VWC2L: variants seen among roughly 807,000 people sequenced by gnomAD.
VWC2L encodes the protein von Willebrand factor C domain-containing protein 2-like.
A neutral mutation model predicts 21.6 loss-of-function variants in VWC2L; 10 were observed. That is an observed-to-expected ratio of 0.46 (90% CI 0.29 to 0.78). VWC2L has a LOEUF of 0.78. Ranked by LOEUF, VWC2L falls within the 30% of genes least tolerant of loss-of-function variation. The pLI is 0.10. For synonymous variants in VWC2L, 96 were observed against 94.3 expected (o/e 1.02, Z -0.10); for missense variants, 209 against 277.1 (o/e 0.75, Z 1.74).
intron 1 of VWC2L, among the ~76,000 whole-genome samples, chr2:214,413,414 G>A (rs1386407811): frequency 2.0e-5 from 3 of 151,796 alleles, no homozygotes; most frequent in African/African-American, 7.3e-5. Context: ...ACTCTTTTAA[G>A]CACATGGAAT....
chr2:214,461,492 G>A (rs1703140013), intron 3 of VWC2L, among the ~76,000 whole-genome samples: 1 of 152,148 alleles, frequency 6.6e-6, no homozygotes. Context: ...GCTAACCATG[G>A]TGTTCAGGTC....
chr2:214,468,230 T>G (rs943788135), intron 3 of VWC2L, among the ~76,000 whole-genome samples: 1 of 152,184 alleles, frequency 6.6e-6, no homozygotes, highest in African/African-American at 2.4e-5. Flanking sequence ...TTGGCCAAGC[T>G]GGTCTCGAAC....
At chr2:214,559,661 G>C (rs2105928741) in intron 3 of VWC2L, among the ~76,000 whole-genome samples, 1 of 151,230 alleles carries the variant, frequency 6.6e-6, no homozygotes, top group South Asian at 2.1e-4. Flanking sequence ...CCAGGCTGCA[G>C]TGCAGTGGTG....
At chr2:214,424,143 T>C (rs1702483053) in intron 2 of VWC2L, among the ~76,000 whole-genome samples, 1 of 152,194 alleles carries the variant, frequency 6.6e-6, no homozygotes, top group African/African-American at 2.4e-5. Flanking sequence ...TATGTTATTC[T>C]AAAGTTTCTC....
chr2:214,503,660 G>C (rs1559310734), intron 3 of VWC2L, among the ~76,000 whole-genome samples: 1 of 151,252 alleles, frequency 6.6e-6, no homozygotes, highest in Non-Finnish European at 1.5e-5. Context: ...CTGCATTTTT[G>C]CTGAGCAATT....
chr2:214,496,436 T>C, intron 3 of VWC2L, among the ~76,000 whole-genome samples: 1 of 152,176 alleles, frequency 6.6e-6, no homozygotes, highest in East Asian at 1.9e-4. Flanking sequence ...CTGCAGTCTG[T>C]TATTTTTCAA....
rs374198191 is a variant in VWC2L at position 214,501,914 on chromosome 2, G to A, written c.520+65156G>A. On this transcript the variant is annotated intron_variant, in intron 3 of 3. Coordinates refer to ENST00000312504, the MANE Select transcript of VWC2L (RefSeq NM_001080500.4). ...TGAGATTACAGAGAAAGAGAAGTGG[G>A]GAGTTGCAGCTAAGCCCACCTCCCC... 6.8e-4 allele frequency among the ~76,000 whole-genome samples: 103 copies of A among 152,216 alleles called. 2 individuals are homozygous for A. In the East Asian group the frequency reaches 0.015, roughly 21 times the overall value.
intron 2 of VWC2L, among the ~76,000 whole-genome samples, chr2:214,422,996 T>C (rs765671358): frequency 3.9e-5 from 6 of 152,076 alleles, no homozygotes; most frequent in Non-Finnish European, 8.8e-5. Flanking sequence ...ATATATCTTA[T>C]GAAGAATAAA....
chr2:214,492,367 A>G (rs1335451345), intron 3 of VWC2L, among the ~76,000 whole-genome samples: 2 of 152,226 alleles, frequency 1.3e-5, no homozygotes, highest in African/African-American at 4.8e-5. Flanking sequence ...AACCATGACC[A>G]CAAAAGGCGG....
intron 3 of VWC2L, among the ~76,000 whole-genome samples, chr2:214,568,656 CACAGG>C (rs1035137967): frequency 1.3e-5 from 2 of 152,170 alleles, no homozygotes; most frequent in African/African-American, 4.8e-5. Flanking sequence ...ACAAGAACAG[CACAGG>C]AAAGACCCAT....
In VWC2L at chr2:214,432,328, A is replaced by G. The variant is rs566135320; in HGVS notation, c.391-4301A>G. ...GGACAGGAGCAAATTTACCAAAAAA[A>G]TGTAAAGAAATCAGTAAGATAGTTT... is the stretch of plus-strand genomic sequence containing the variant. On this transcript the variant is annotated intron_variant, in intron 2 of 3. Coordinates refer to ENST00000312504, the MANE Select transcript of VWC2L (RefSeq NM_001080500.4). Among the ~76,000 whole-genome samples the G allele has an allele frequency of 3.3e-5, 5 of 152,302 alleles. 1 individual carries two copies. The highest frequency in any genetic ancestry group is 6.8e-3 in the Middle Eastern group (2 of 294).
intron 2 of VWC2L, 197 bp downstream of exon 2, chr2:214,414,780 G>A: frequency 1.6e-6 from 1 of 620,552 alleles, no homozygotes; most frequent in Non-Finnish European, 2.7e-6. Context: ...TTGTTAAGTT[G>A]CACAATAACC....
intron 3 of VWC2L, among the ~76,000 whole-genome samples, chr2:214,574,620 A>G (rs996721934): frequency 3.3e-5 from 5 of 152,152 alleles, no homozygotes; most frequent in African/African-American, 1.2e-4. Flanking sequence ...ATGCCAGGTT[A>G]ATAAATCACT....
chr2:214,517,520 C>A (rs1190602171), intron 3 of VWC2L, among the ~76,000 whole-genome samples: 1 of 152,166 alleles, frequency 6.6e-6, no homozygotes, highest in African/African-American at 2.4e-5. Flanking sequence ...AGTATTTCTT[C>A]TTTAGGTTCC....
rs780236969 is a variant in VWC2L at position 214,578,848 on chromosome 2, C to G, written c.*3028C>G. 4.7e-5 allele frequency: 7 copies of G among 149,702 alleles called. No homozygotes were observed. Among genetic ancestry groups the G allele is most frequent in the Non-Finnish European group, 1.0e-4 (7 of 67,526 alleles). 9.3% of individuals were successfully genotyped at this position (149,702 alleles called of 1,614,324 possible). A position where few individuals can be genotyped will look rare whatever the true frequency, so the allele number is the denominator to read the frequency against. Reference sequence around the variant, plus strand: ...CTTTGAAAAATGGCGTGCCTGAAAACTAGTGAGAAAAAAAAAAAACCTAAA... The same window carrying G: ...CTTTGAAAAATGGCGTGCCTGAAAAGTAGTGAGAAAAAAAAAAAACCTAAA... On this transcript the variant is annotated 3_prime_UTR_variant, in exon 4 of 4. Transcript: ENST00000312504.
chr2:214,564,865 A>T (rs1295853425), intron 3 of VWC2L, among the ~76,000 whole-genome samples: 4 of 152,048 alleles, frequency 2.6e-5, no homozygotes, highest in African/African-American at 7.2e-5. Flanking sequence ...TTTATCCTAC[A>T]CATCTCCTCC....
chr2:214,431,692 G>A (rs1459310399), intron 2 of VWC2L, among the ~76,000 whole-genome samples: 1 of 152,130 alleles, frequency 6.6e-6, no homozygotes, highest in Non-Finnish European at 1.5e-5. Context: ...TTTAAAATCA[G>A]GACTTGTTCT....
intron 3 of VWC2L, among the ~76,000 whole-genome samples, chr2:214,443,800 A>G (rs1702797938): frequency 6.6e-6 from 1 of 152,190 alleles, no homozygotes; most frequent in African/African-American, 2.4e-5. Flanking sequence ...TACATTTCAG[A>G]TACATAGATA....
intron 3 of VWC2L, among the ~76,000 whole-genome samples, chr2:214,527,409 AT>A (rs532636659): frequency 5.8e-4 from 88 of 152,290 alleles, no homozygotes; most frequent in Admixed American, 1.3e-3. Flanking sequence ...AAATAAAAAA[AT>A]AAAAGAAGAA....
Sources: gnomAD v4.1 joint callset for allele counts (sites outside exome capture counted in the v4.1 genomes callset) on GRCh38, gnomAD v4.1.1 for gene constraint, MANE v1.5 for transcripts, NCBI Gene and HGNC (gene_info 2026-07-23, HGNC 2026-07-21) for gene names.